PAK3: variants seen among roughly 807,000 people sequenced by gnomAD.
PAK3 encodes p21 (RAC1) activated kinase 3.
In PAK3, 4 loss-of-function variants were observed where a neutral mutation model predicts 41.0. The observed-to-expected ratio is 0.10, with a 90% confidence interval of 0.05 to 0.22. PAK3 has a LOEUF of 0.22. Among genes scored for constraint, PAK3 ranks in the 10% least tolerant of loss-of-function variants. The probability of loss-of-function intolerance (pLI) is 1.00; values close to 1 mark genes in which losing one functional copy is unlikely to be tolerated. For missense variants in PAK3, 205 were observed against 409.9 expected (o/e 0.50, Z 4.32); for synonymous variants, 146 against 139.6 (o/e 1.05, Z -0.32).
chrX:110,968,979 A>G lies in PAK3; in HGVS notation c.-28+24351A>G, dbSNP rs1199663752. On this transcript the variant is annotated intron_variant, in intron 1 of 14. Transcript: ENST00000425146. Reference sequence around the variant, plus strand: ...AGTTTTATGCTTTACATGTAAATCTATGATCTATGTTGAGTTAATTTTGTG... The same window carrying G: ...AGTTTTATGCTTTACATGTAAATCTGTGATCTATGTTGAGTTAATTTTGTG... 2.8e-5 allele frequency among the ~76,000 whole-genome samples: 3 copies of G among 108,300 alleles called. No individual in the cohort carries two copies. In the Admixed American group the frequency reaches 3.0e-4, roughly 11 times the overall value. 94.0% of individuals were successfully genotyped at this position (108,300 alleles called of 115,157 possible).
At chrX:111,131,728 A>ATGTT (rs1288418060) in intron 5 of PAK3, among the ~76,000 whole-genome samples, 1 of 112,047 alleles carries the variant, frequency 8.9e-6, no homozygotes, top group African/African-American at 3.2e-5. Flanking sequence ...CCCAAACAGG[A>ATGTT]TGTTTGTTTA....
intron 5 of PAK3, among the ~76,000 whole-genome samples, chrX:111,128,818 G>T (rs1192868007): frequency 8.9e-6 from 1 of 112,050 alleles, no homozygotes; most frequent in Non-Finnish European, 1.9e-5. Context: ...TGAAAGAAAC[G>T]ATGGTGAGAA....
chrX:110,971,215 C>A (rs1420565557), intron 1 of PAK3, among the ~76,000 whole-genome samples: 3 of 111,878 alleles, frequency 2.7e-5, no homozygotes, highest in Non-Finnish European at 5.6e-5. Flanking sequence ...CAAAATAAAC[C>A]ACATACCCCT....
chrX:111,215,384 C>T (rs1246101180), intron 16 of PAK3, among the ~76,000 whole-genome samples: 2 of 110,976 alleles, frequency 1.8e-5, no homozygotes, highest in East Asian at 2.8e-4. Context: ...CATGCTGAAA[C>T]CCCATCTCTA....
At chrX:110,969,479 T>G (rs1188337629) in intron 1 of PAK3, among the ~76,000 whole-genome samples, 1 of 100,816 alleles carries the variant, frequency 9.9e-6, no homozygotes, top group Non-Finnish European at 2.0e-5. Flanking sequence ...TTTTGGATTT[T>G]TAGTAGAGAT....
At chrX:111,149,834 T>C (rs1385515313) in intron 7 of PAK3, among the ~76,000 whole-genome samples, 1 of 112,157 alleles carries the variant, frequency 8.9e-6, no homozygotes, top group Non-Finnish European at 1.9e-5. Context: ...ATTTCCCCCA[T>C]GGTCTTGGGG....
chrX:111,189,473 G>A (rs1050206473), intron 11 of PAK3, among the ~76,000 whole-genome samples: 5 of 111,800 alleles, frequency 4.5e-5, no homozygotes, highest in South Asian at 7.5e-4. Flanking sequence ...TGGTAGTTCC[G>A]TTTTAAGTTC....
intron 1 of PAK3, among the ~76,000 whole-genome samples, chrX:111,052,015 G>A (rs183578823): frequency 1.4e-3 from 155 of 112,226 alleles, no homozygotes; most frequent in Non-Finnish European, 2.4e-3. Context: ...AAGATAAGTA[G>A]GCCCATGGCT....
At chrX:111,168,787 T>A (rs886114311) in intron 10 of PAK3, among the ~76,000 whole-genome samples, 16 of 111,966 alleles carry the variant, frequency 1.4e-4, no homozygotes, top group African/African-American at 5.2e-4. Flanking sequence ...GGAAAAAAGT[T>A]GCTTAGCAAC....
chrX:110,987,587 A>T (rs911191024), intron 1 of PAK3, among the ~76,000 whole-genome samples: 1 of 111,905 alleles, frequency 8.9e-6, no homozygotes, highest in East Asian at 2.8e-4. Flanking sequence ...TTTTCATTTA[A>T]CCCTCATGCT....
At chrX:111,180,815 A>G (rs972067409) in intron 11 of PAK3, among the ~76,000 whole-genome samples, 2 of 112,107 alleles carry the variant, frequency 1.8e-5, no homozygotes, top group Non-Finnish European at 1.9e-5. Flanking sequence ...CTAAATGGAC[A>G]TAGACATTTA....
At chrX:111,060,262 T>C (rs190677827) in intron 1 of PAK3, among the ~76,000 whole-genome samples, 4 of 112,336 alleles carry the variant, frequency 3.6e-5, no homozygotes, top group African/African-American at 1.3e-4. Flanking sequence ...ATCAATCTTG[T>C]ATTCCTGAAA....
chrX:111,008,485 G>A (rs1258776496), intron 1 of PAK3, among the ~76,000 whole-genome samples: 2 of 112,691 alleles, frequency 1.8e-5, no homozygotes, highest in East Asian at 2.8e-4. Context: ...CCCTGAGGGC[G>A]GAGGCCCTAT....
chrX:110,984,720 G>A (rs900225606), intron 1 of PAK3, among the ~76,000 whole-genome samples: 10 of 111,582 alleles, frequency 9.0e-5, no homozygotes, highest in Admixed American at 5.7e-4. Flanking sequence ...AGGAAGGGGT[G>A]TCTTTTTTGT....
At chrX:111,046,561 A>C (rs943878475) in intron 1 of PAK3, among the ~76,000 whole-genome samples, 1 of 111,648 alleles carries the variant, frequency 9.0e-6, no homozygotes, top group Non-Finnish European at 1.9e-5. Context: ...GTAGTTAAGA[A>C]CCAGACTACA....
At chrX:111,059,007 T>C (rs904262063) in intron 1 of PAK3, among the ~76,000 whole-genome samples, 4 of 111,214 alleles carry the variant, frequency 3.6e-5, no homozygotes, top group African/African-American at 9.8e-5. Context: ...ACTGTCACTT[T>C]GTAGTAAGTT....
chrX:111,196,674 C>T (rs753876246), intron 16 of PAK3, 34 bp downstream of exon 16: 4 of 1,042,517 alleles, frequency 3.8e-6, no homozygotes, highest in Non-Finnish European at 5.4e-6. Flanking sequence ...ACTTTATTCC[C>T]AGGAAAGAGG....
At chrX:111,028,334 A>G (rs1292247570) in intron 1 of PAK3, among the ~76,000 whole-genome samples, 8 of 109,803 alleles carry the variant, frequency 7.3e-5, no homozygotes, top group African/African-American at 2.0e-4. Context: ...AATATCGGAA[A>G]TCACCACTAA....
intron 3 of PAK3, among the ~76,000 whole-genome samples, chrX:111,100,604 C>T (rs188046545): frequency 5.3e-4 from 59 of 111,536 alleles, no homozygotes; most frequent in Non-Finnish European, 7.9e-4. Flanking sequence ...TCCTCTCCAG[C>T]GTTGTTTCCT....
Sources: allele counts gnomAD v4.1 joint callset (sites outside exome capture counted in the v4.1 genomes callset), GRCh38; gene constraint gnomAD v4.1.1; transcripts MANE v1.5; gene names NCBI Gene and HGNC (gene_info 2026-07-23, HGNC 2026-07-21).